Variants in ITCH observed in about 807,000 individuals in gnomAD.
ITCH encodes E3 ubiquitin-protein ligase Itchy homolog.
ITCH carries 28 observed loss-of-function variants against 126.8 expected under a neutral mutation model. That is an observed-to-expected ratio of 0.22 (90% CI 0.16 to 0.30). The LOEUF (loss-of-function observed/expected upper bound fraction) is 0.30. Ranked by LOEUF, ITCH falls within the 10% of genes least tolerant of loss-of-function variation. The probability of loss-of-function intolerance (pLI) is 1.00; values close to 1 mark genes in which losing one functional copy is unlikely to be tolerated. For missense variants in ITCH, 631 were observed against 1,032.4 expected (o/e 0.61, Z 5.33); for synonymous variants, 342 against 340.0 (o/e 1.01, Z -0.06).
At chr20:34,477,702 C>T (rs192143632) in intron 16 of ITCH, 70 bp from the exon 17 acceptor site, 2 of 1,442,792 alleles carry the variant, frequency 1.4e-6, no homozygotes, top group African/African-American at 2.8e-5. Flanking sequence ...AAGGAGATGT[C>T]AAACCTAGAA....
At position 34,489,322 on chromosome 20, in the gene ITCH, T is replaced by C. The variant is rs761198501; in HGVS notation, c.2150T>C (p.Phe717Ser). 1 of 1,611,304 alleles carries C rather than the reference T, an allele frequency of 6.2e-7. No homozygotes were observed. The highest frequency in any genetic ancestry group is 8.5e-7 in the Non-Finnish European group (1 of 1,177,642). Residue 717 changes from phenylalanine (F) to serine (S), a missense_variant, in exon 21 of 25, where the codon TTT becomes TCT. Phe to Ser is a radical substitution (Grantham distance 155, BLOSUM62 -2). This residue lies in a region of ITCH where 390 missense variants were observed against 731.6 expected (regional missense o/e 0.53). Coordinates refer to ENST00000374864, the MANE Select transcript of ITCH (RefSeq NM_031483.7). ...GTTGAAGAACAGACACAAGCTTTCT[T>C]TGAAGGCTTTAATGAAATTCTTCCC... ...RGVEEQTQAF[F>S]EGFNEILPQQ...
At chr20:34,477,686 A>G (rs1013260808) in intron 16 of ITCH, 86 bp from the exon 17 acceptor site, 6 of 1,222,782 alleles carry the variant, frequency 4.9e-6, no homozygotes, top group African/African-American at 4.5e-5. Flanking sequence ...TCAGTTACCT[A>G]TAACGAAGGA....
intron 1 of ITCH, among the ~76,000 whole-genome samples, chr20:34,363,989 T>G (rs1401869835): frequency 1.3e-5 from 2 of 152,156 alleles, no homozygotes; most frequent in Admixed American, 1.3e-4. Context: ...TCACTGCCCT[T>G]CCTCCGGAGA....
At chr20:34,456,180 GTGTGTATATATATATATATA>G (rs1423653521) in intron 12 of ITCH, among the ~76,000 whole-genome samples, 251 of 44,120 alleles carry the variant, frequency 5.7e-3, no homozygotes, top group South Asian at 0.01. Context: ...GTGTGTGTGT[GTGTGTATATATATATATATA>G]TATATATATA....
Position 34,510,914 on chromosome 20 carries a change from A to G in ITCH, c.*3120A>G, listed in dbSNP as rs1978728822. ...TTAGTGAAACTTGACTCAACTATAC[A>G]CAAAGTTCTCATCCTAAATGAACTA... On this transcript the variant is annotated 3_prime_UTR_variant, in exon 25 of 25. Transcript: ENST00000374864. 6.6e-6 allele frequency: 1 copy of G among 152,182 alleles called. No individual in the cohort carries two copies. The highest frequency in any genetic ancestry group is 2.4e-5 in the African/African-American group (1 of 41,440). The allele number at this position is 152,182 out of a possible 1,614,324, so 9.4% of individuals were successfully genotyped here.
At position 34,466,176 on chromosome 20, in the gene ITCH, T is replaced by C. The variant is rs549111980; in HGVS notation, c.1425-3872T>C. The C allele has an allele frequency of 1.4e-3, 342 of 243,856 alleles. 3 individuals carry two copies. The highest frequency in any genetic ancestry group is 2.5e-3 in the Non-Finnish European group (315 of 124,784). 15.1% of individuals were successfully genotyped at this position (243,856 alleles called of 1,614,324 possible). A position where few individuals can be genotyped will look rare whatever the true frequency, so the allele number is the denominator to read the frequency against. On this transcript the variant is annotated intron_variant, in intron 14 of 24. Coordinates refer to ENST00000374864, the MANE Select transcript of ITCH (RefSeq NM_031483.7). ...TTTTTGGTATCAATTGAGATGATCATGTGATTTTTTCCCCCCCTCATTCTG... is the reference window on the plus strand; with the variant it reads ...TTTTTGGTATCAATTGAGATGATCACGTGATTTTTTCCCCCCCTCATTCTG...
intron 21 of ITCH, 51 bp from the exon 22 acceptor site, chr20:34,489,771 T>A (rs1989382915): frequency 8.4e-7 from 1 of 1,193,308 alleles, no homozygotes; most frequent in Non-Finnish European, 1.3e-6. Flanking sequence ...TATGTCCAGC[T>A]GTTTTTGTAC....
chr20:34,452,859 A>G (rs368702936), intron 12 of ITCH, among the ~76,000 whole-genome samples: 1 of 152,232 alleles, frequency 6.6e-6, no homozygotes, highest in African/African-American at 2.4e-5. Flanking sequence ...AATTTTTAAC[A>G]CATGAACATA....
At chr20:34,430,535 G>A (rs1453319940) in intron 7 of ITCH, among the ~76,000 whole-genome samples, 1 of 152,034 alleles carries the variant, frequency 6.6e-6, no homozygotes. Context: ...ATGCAGTGAC[G>A]CGATCTCGGC....
chr20:34,466,437 C>T (rs1600412617), intron 14 of ITCH: 1 of 504,400 alleles, frequency 2.0e-6, no homozygotes. Flanking sequence ...TAATTTTATA[C>T]TTCTACACAT....
rs144062932 is a variant in ITCH at position 34,366,695 on chromosome 20, C to T, written c.-98-2699C>T. ...CAGCCTGGGCAACATGGTGATATCC[C>T]GTCTTTACCAAAAGGAAGGAAAAAA... is the stretch of plus-strand genomic sequence containing the variant. On this transcript the variant is annotated intron_variant, in intron 1 of 24. Transcript: ENST00000374864. Among the ~76,000 whole-genome samples the T allele has an allele frequency of 7.3e-5, 11 of 151,616 alleles. No homozygotes were observed. The East Asian group carries it at 1.4e-3, about 19-fold the overall frequency.
At chr20:34,464,028 G>A (rs1986787164) in intron 14 of ITCH, among the ~76,000 whole-genome samples, 1 of 151,986 alleles carries the variant, frequency 6.6e-6, no homozygotes, top group African/African-American at 2.4e-5. Flanking sequence ...AGGCTGGAGT[G>A]CAGTGGCACA....
At chr20:34,373,016 C>T (rs573874663) in intron 2 of ITCH, among the ~76,000 whole-genome samples, 4 of 149,918 alleles carry the variant, frequency 2.7e-5, no homozygotes, top group Non-Finnish European at 5.9e-5. Flanking sequence ...CTCTTGTTGC[C>T]GAGGCTGGAG....
chr20:34,503,688 T>C (rs1990409464), intron 23 of ITCH, among the ~76,000 whole-genome samples: 1 of 152,126 alleles, frequency 6.6e-6, no homozygotes. Flanking sequence ...GGCTAAAGAA[T>C]GCTAGATGAA....
At chr20:34,405,337 T>C (rs533856317) in intron 3 of ITCH, among the ~76,000 whole-genome samples, 2 of 152,108 alleles carry the variant, frequency 1.3e-5, no homozygotes, top group Admixed American at 6.6e-5. Flanking sequence ...AAACCCCGTT[T>C]CTACTAAAAA....
intron 3 of ITCH, among the ~76,000 whole-genome samples, chr20:34,407,806 C>T (rs1228318613): frequency 6.6e-6 from 1 of 152,176 alleles, no homozygotes; most frequent in African/African-American, 2.4e-5. Context: ...TCTGTCACAT[C>T]AGCCTGTTTT....
chr20:34,455,503 TG>T (rs1985797819), intron 12 of ITCH, among the ~76,000 whole-genome samples: 1 of 151,648 alleles, frequency 6.6e-6, no homozygotes, highest in South Asian at 2.1e-4. Flanking sequence ...GACGGAGTCT[TG>T]CTCTGTCGCC....
chr20:34,363,617 C>T (rs906196146), intron 1 of ITCH, among the ~76,000 whole-genome samples: 7 of 152,150 alleles, frequency 4.6e-5, no homozygotes, highest in Non-Finnish European at 1.0e-4. Context: ...CTCGCGGGCT[C>T]CAAGTTGTGA....
chr20:34,410,347 C>T (rs931194725), intron 4 of ITCH, among the ~76,000 whole-genome samples: 7 of 150,094 alleles, frequency 4.7e-5, no homozygotes, highest in African/African-American at 1.7e-4. Flanking sequence ...TGCGTTCCAG[C>T]CAGGGTGACA....
Sources: allele counts gnomAD v4.1 joint callset (sites outside exome capture counted in the v4.1 genomes callset), GRCh38; gene constraint gnomAD v4.1.1; regional missense constraint gnomAD v4.1.1; transcripts MANE v1.5; gene names NCBI Gene and HGNC (gene_info 2026-07-23, HGNC 2026-07-21).